The following ZDHHC3 variants were observed in gnomAD, a reference collection of about 807,000 sequenced individuals.
ZDHHC3 encodes zDHHC palmitoyltransferase 3, also known as palmitoyltransferase ZDHHC3.
Under a neutral mutation model 30.6 loss-of-function variants are expected in ZDHHC3, and 9 were observed. The observed-to-expected ratio is 0.29, with a 90% confidence interval of 0.18 to 0.51. The LOEUF (loss-of-function observed/expected upper bound fraction) is 0.51, where lower values mean the gene tolerates loss of function less well. Among genes scored for constraint, ZDHHC3 ranks in the 20% least tolerant of loss-of-function variants. ZDHHC3 has a pLI of 0.97. For missense variants in ZDHHC3, 246 were observed against 384.2 expected, an observed-to-expected ratio of 0.64 and a Z score of 3.01; for synonymous variants, 136 against 140.2, an observed-to-expected ratio of 0.97 and a Z score of 0.21.
chr3:44,964,795 A>T (rs1704790971), intron 1 of ZDHHC3, among the ~76,000 whole-genome samples: 1 of 152,230 alleles, frequency 6.6e-6, no homozygotes, highest in South Asian at 2.1e-4. Flanking sequence ...TAGAACAATG[A>T]TCATTTTGTA....
Position 44,922,486 on chromosome 3 carries a change from T to C in ZDHHC3, c.*4203A>G. ...TTTCTTTGATGTCTTGGCAGTTGTTTGTTGGGGAGGCCGCAGCTTATGAGG... is the reference window on the plus strand; with the variant it reads ...TTTCTTTGATGTCTTGGCAGTTGTTCGTTGGGGAGGCCGCAGCTTATGAGG... On this transcript the variant is annotated 3_prime_UTR_variant, in exon 7 of 7. Coordinates refer to ENST00000424952, the MANE Select transcript of ZDHHC3 (RefSeq NM_001135179.2). The C allele has an allele frequency of 2.0e-6, 2 of 985,444 alleles. No individual in the cohort carries two copies. The highest frequency in any genetic ancestry group is 2.4e-6 in the Non-Finnish European group (2 of 829,918). 61.0% of individuals were successfully genotyped at this position (985,444 alleles called of 1,614,324 possible).
Position 44,966,546 on chromosome 3 carries a change from TAC to T in ZDHHC3, c.-24-7088_-24-7087del, listed in dbSNP as rs1023432274. On this transcript the variant is annotated intron_variant, in intron 1 of 6. Transcript: ENST00000424952. ...CATTAACCTTCTATGGTTTAAATCG[TAC>T]AGTCTTAAAAATGTGGTGTTTGTTT... 5.3e-4 allele frequency among the ~76,000 whole-genome samples: 80 copies of T among 152,320 alleles called. 1 individual carries two copies. The highest frequency in any genetic ancestry group is 1.2e-3 in the Admixed American group (19 of 15,300).
At position 44,918,986 on chromosome 3, in the gene ZDHHC3, G is replaced by A; in HGVS notation, c.*7703C>T. Reference sequence around the variant, plus strand: ...TCTGGAAGCCAAGGGAATTTGCTGTGGGTTTGCTGGGCTTGGGCACTGCTC... The same window carrying A: ...TCTGGAAGCCAAGGGAATTTGCTGTAGGTTTGCTGGGCTTGGGCACTGCTC... On this transcript the variant is annotated 3_prime_UTR_variant, in exon 7 of 7. Transcript: ENST00000424952. 1.0e-6 allele frequency: 1 copy of A among 985,536 alleles called. No individual in the cohort carries two copies. The highest frequency in any genetic ancestry group is 1.2e-6 in the Non-Finnish European group (1 of 830,026). The allele number at this position is 985,536 out of a possible 1,614,324, so 61.0% of individuals were successfully genotyped here.
chr3:44,964,335 G>T (rs1184581294), intron 1 of ZDHHC3, among the ~76,000 whole-genome samples: 1 of 152,234 alleles, frequency 6.6e-6, no homozygotes, highest in African/African-American at 2.4e-5. Flanking sequence ...GCCAAGTGAA[G>T]CATACTGCTT....
Position 44,917,985 on chromosome 3 carries a change from C to T in ZDHHC3, c.*8704G>A, listed in dbSNP as rs1450720443. On this transcript the variant is annotated 3_prime_UTR_variant, in exon 7 of 7. Transcript: ENST00000424952. The stretch of plus-strand genomic sequence containing the variant: ...CGGTGTCTGACAGCGATGTCACCTG[C>T]CGCACCATGTCTTTGTCACTGGGGA... 3 of 1,305,438 alleles carry T rather than the reference C, an allele frequency of 2.3e-6. No individual in the cohort carries two copies. Among genetic ancestry groups the T allele is most frequent in the African/African-American group, 1.5e-5 (1 of 65,984 alleles). 80.9% of individuals were successfully genotyped at this position (1,305,438 alleles called of 1,614,324 possible). A position where few individuals can be genotyped will look rare whatever the true frequency, so the allele number is the denominator to read the frequency against.
intron 2 of ZDHHC3, among the ~76,000 whole-genome samples, chr3:44,950,894 C>T (rs1703393221): frequency 1.3e-5 from 2 of 152,178 alleles, no homozygotes; most frequent in Admixed American, 1.3e-4. Context: ...TGCCTATCCC[C>T]CTACCCCACG....
rs1243338522 is a variant in ZDHHC3, at chr3:44,920,326, A to C, written c.*6363T>G. The C allele has an allele frequency of 7.8e-7, 1 of 1,289,756 alleles. No homozygotes were observed. The highest frequency in any genetic ancestry group is 2.3e-5 in the Admixed American group (1 of 43,566). 79.9% of individuals were successfully genotyped at this position (1,289,756 alleles called of 1,614,324 possible). A position where few individuals can be genotyped will look rare whatever the true frequency, so the allele number is the denominator to read the frequency against. On this transcript the variant is annotated 3_prime_UTR_variant, in exon 7 of 7. Coordinates refer to ENST00000424952, the MANE Select transcript of ZDHHC3 (RefSeq NM_001135179.2). ...GCATTCTGCATTCTCTTCCTGGGTG[A>C]TCATCTGCAGCCTGTTGAGAAAGAG...
chr3:44,921,882 C>T lies in ZDHHC3; in HGVS notation c.*4807G>A. On this transcript the variant is annotated 3_prime_UTR_variant, in exon 7 of 7. Coordinates refer to ENST00000424952, the MANE Select transcript of ZDHHC3 (RefSeq NM_001135179.2). Reference sequence around the variant, plus strand: ...CAGAAATTCAGGGCATCCTTATGTCCGTGTTAGAGCATGTGCGGCCCCTAG... The same window carrying T: ...CAGAAATTCAGGGCATCCTTATGTCTGTGTTAGAGCATGTGCGGCCCCTAG... 1.0e-6 allele frequency: 1 copy of T among 985,406 alleles called. No homozygotes were observed. The highest frequency in any genetic ancestry group is 1.2e-6 in the Non-Finnish European group (1 of 829,926). 61.0% of individuals were successfully genotyped at this position (985,406 alleles called of 1,614,324 possible).
At chr3:44,967,095 A>G (rs552627348) in intron 1 of ZDHHC3, among the ~76,000 whole-genome samples, 7 of 148,266 alleles carry the variant, frequency 4.7e-5, no homozygotes, top group Admixed American at 4.7e-4. Context: ...AAACAAATGG[A>G]AAAAAAAAAA....
chr3:44,932,950 G>T (rs770129376), intron 5 of ZDHHC3, 168 bp downstream of exon 5: 7 of 1,614,162 alleles, frequency 4.3e-6, no homozygotes, highest in Non-Finnish European at 5.9e-6. Flanking sequence ...CATGAAGAGA[G>T]ATTCCAGTCT....
chr3:44,958,950 C>T (rs962171150), intron 2 of ZDHHC3, among the ~76,000 whole-genome samples, 181 bp downstream of exon 2: 1 of 152,160 alleles, frequency 6.6e-6, no homozygotes, highest in African/African-American at 2.4e-5. Context: ...AGGTGTTGAC[C>T]CCTCTTCCCT....
intron 5 of ZDHHC3, among the ~76,000 whole-genome samples, chr3:44,931,625 G>A (rs1452234497): frequency 6.6e-6 from 1 of 152,162 alleles, no homozygotes; most frequent in Non-Finnish European, 1.5e-5. Context: ...ACTGACCTGT[G>A]CCTTCCCAGC....
chr3:44,935,134 C>T (rs1701841252), intron 3 of ZDHHC3, among the ~76,000 whole-genome samples: 2 of 152,144 alleles, frequency 1.3e-5, no homozygotes. Context: ...TTTAGAAAGA[C>T]TCATTTGCCA....
At position 44,976,125 on chromosome 3, in the gene ZDHHC3, T is replaced by C. The variant is rs2125954336; in HGVS notation, c.-217A>G. The C allele has an allele frequency of 1.9e-6, 1 of 533,180 alleles. No homozygotes were observed. The highest frequency in any genetic ancestry group is 3.0e-6 in the Non-Finnish European group (1 of 335,382). The allele number at this position is 533,180 out of a possible 1,614,324, so 33.0% of individuals were successfully genotyped here. On this transcript the variant is annotated 5_prime_UTR_variant, in exon 1 of 7. Coordinates refer to ENST00000424952, the MANE Select transcript of ZDHHC3 (RefSeq NM_001135179.2). ...CGCGCAGGAGAAGCCCATCGAGCTC[T>C]CCCGGCAGTGGCGGCGGCCGCGGCT...
intron 5 of ZDHHC3, 141 bp downstream of exon 5, chr3:44,932,977 G>A: frequency 6.2e-7 from 1 of 1,614,112 alleles, no homozygotes; most frequent in Non-Finnish European, 8.5e-7. Context: ...TTTCTTCCCT[G>A]TTCAGTCCAT....
chr3:44,940,912 G>A (rs1702388005), intron 3 of ZDHHC3, among the ~76,000 whole-genome samples: 1 of 152,190 alleles, frequency 6.6e-6, no homozygotes, highest in Non-Finnish European at 1.5e-5. Context: ...ATTCCATGGG[G>A]TTCTGTCTCT....
At chr3:44,951,756 C>T (rs148904104) in intron 2 of ZDHHC3, among the ~76,000 whole-genome samples, 129 of 152,302 alleles carry the variant, frequency 8.5e-4, no homozygotes, top group African/African-American at 2.7e-3. Context: ...CCTGTCCCCT[C>T]CATACCAGGG....
intron 6 of ZDHHC3, among the ~76,000 whole-genome samples, chr3:44,927,894 G>T (rs112243620): frequency 0.012 from 1,804 of 152,336 alleles, 30 homozygotes; most frequent in African/African-American, 0.04. Flanking sequence ...CCTGGGAAGG[G>T]CACAGGCCAA....
chr3:44,964,999 G>A (rs1261901202), intron 1 of ZDHHC3, among the ~76,000 whole-genome samples: 2 of 152,112 alleles, frequency 1.3e-5, no homozygotes, highest in Non-Finnish European at 2.9e-5. Context: ...AAGTCACAGG[G>A]GAAACGGATC....
Sources: allele counts gnomAD v4.1 joint callset (sites outside exome capture counted in the v4.1 genomes callset), GRCh38; gene constraint gnomAD v4.1.1; transcripts MANE v1.5; gene names NCBI Gene and HGNC (gene_info 2026-07-23, HGNC 2026-07-21).